Variants in KARS1 observed in about 807,000 individuals in gnomAD.
The protein encoded by KARS1 is lysine--tRNA ligase.
Under a neutral mutation model 63.9 loss-of-function variants are expected in KARS1, and 50 were observed. The ratio of observed to expected loss-of-function variants is 0.78; its 90% CI spans 0.62 to 0.99. The LOEUF (loss-of-function observed/expected upper bound fraction) is 0.99, where lower values mean the gene tolerates loss of function less well. Ranked by LOEUF, KARS1 falls within the 50% of genes least tolerant of loss-of-function variation. The pLI is 0.00. For synonymous variants in KARS1, 320 were observed against 264.6 expected (o/e 1.21, Z -2.03); for missense variants, 816 against 754.5 (o/e 1.08, Z -0.95).
In KARS1 at chr16:75,635,990, G is replaced by A; in HGVS notation, c.591C>T (p.Ser197=). Residue 197 remains serine (S), a synonymous_variant, in exon 5 of 14, where the codon AGC becomes AGT. Coordinates refer to ENST00000302445, the MANE Select transcript of KARS1 (RefSeq NM_005548.3). ...NPGKTKKGEL[S]IIPYEITLLS... is the part of the protein sequence containing the mutation. Reference sequence around the variant, plus strand: ...GCAGTGTGATCTCATACGGAATGATGCTCAGCTCACCCTTCTTGGTTTTAC... The same window carrying A: ...GCAGTGTGATCTCATACGGAATGATACTCAGCTCACCCTTCTTGGTTTTAC... 2 of 1,613,990 alleles carry A rather than the reference G, an allele frequency of 1.2e-6. No individual in the cohort carries two copies. Among genetic ancestry groups the A allele is most frequent in the African/African-American group, 1.3e-5 (1 of 75,026 alleles).
chr16:75,642,505 G>T (rs2082237116), intron 1 of KARS1, among the ~76,000 whole-genome samples: 1 of 151,936 alleles, frequency 6.6e-6, no homozygotes, highest in African/African-American at 2.4e-5. Flanking sequence ...CCCCTCCAAT[G>T]CCAGATCTAA....
intron 1 of KARS1, chr16:75,644,267 G>A (rs775623180): frequency 5.0e-6 from 8 of 1,586,324 alleles, no homozygotes; most frequent in South Asian, 4.6e-5. Context: ...CAATAAAGAA[G>A]GTAATGGGCA....
rs2082098278 is a variant in KARS1, at chr16:75,630,371, A to G, written c.1424+52T>C. The G allele has an allele frequency of 7.1e-6, 8 of 1,124,154 alleles. No individual in the cohort carries two copies. In the South Asian group the frequency reaches 1.0e-4, roughly 14 times the overall value. 69.6% of individuals were successfully genotyped at this position (1,124,154 alleles called of 1,614,324 possible). On this transcript the variant is annotated intron_variant, in intron 11 of 13. Transcript: ENST00000302445. ...ACAAAATCTTGACAATAAATTGTTA[A>G]CACCACTAAGTTTTGGGGCTGTTAT...
In KARS1 at chr16:75,635,758, A is replaced by G; in HGVS notation, c.717T>C (p.Phe239=). 1 of 1,614,210 alleles carries G rather than the reference A, an allele frequency of 6.2e-7. No individual in the cohort carries two copies. The highest frequency in any genetic ancestry group is 8.5e-7 in the Non-Finnish European group (1 of 1,180,006). The change falls in exon 6 of 14, where the codon TTT becomes TTC. Residue 239 remains phenylalanine, a synonymous_variant. Coordinates refer to ENST00000302445, the MANE Select transcript of KARS1 (RefSeq NM_005548.3). ...AGCGGATGATAAATTTCTGCCTCAC[A>G]AAGTCATTCAGGATCAAGTCCAAGT... ...QRYLDLILND[F]VRQKFIIRSK...
intron 13 of KARS1, among the ~76,000 whole-genome samples, chr16:75,628,323 G>A (rs780624716): frequency 3.3e-5 from 5 of 152,168 alleles, no homozygotes; most frequent in Non-Finnish European, 7.3e-5. Context: ...AATAATGCAC[G>A]GAGACTTCCC....
intron 1 of KARS1, chr16:75,647,349 G>C (rs1436763363): frequency 3.2e-6 from 2 of 629,346 alleles, no homozygotes; most frequent in East Asian, 2.7e-5. Context: ...AACTCTAGGA[G>C]TATGATAGGG....
chr16:75,633,122 A>C (rs144968006), intron 7 of KARS1, among the ~76,000 whole-genome samples: 1 of 152,278 alleles, frequency 6.6e-6, no homozygotes, highest in East Asian at 1.9e-4. Flanking sequence ...TACGATGTTA[A>C]TTATCCACAA....
At chr16:75,636,352 C>T in intron 4 of KARS1, 102 bp downstream of exon 4, 1 of 883,652 alleles carries the variant, frequency 1.1e-6, no homozygotes. Context: ...ATGTCCCACT[C>T]CTTCTTACTC....
chr16:75,638,940 G>A (rs1489462839), intron 3 of KARS1, among the ~76,000 whole-genome samples: 1 of 152,164 alleles, frequency 6.6e-6, no homozygotes, highest in Non-Finnish European at 1.5e-5. Context: ...GGCCGTGGCA[G>A]GTGGATCACC....
intron 6 of KARS1, 141 bp from the exon 7 acceptor site, chr16:75,634,433 G>GAAAAAA: frequency 1.3e-6 from 1 of 780,304 alleles, no homozygotes; most frequent in South Asian, 1.5e-5. Flanking sequence ...GCAAGTGCTT[G>GAAAAAA]ACAAAAAAGG....
intron 6 of KARS1, chr16:75,635,463 T>A (rs1252445558): frequency 3.2e-5 from 18 of 567,558 alleles, no homozygotes; most frequent in Admixed American, 1.2e-4. Flanking sequence ...ATCATTAGCA[T>A]GTGGATGGCC....
In KARS1 at chr16:75,640,215, A is replaced by G. The variant is rs769008526; in HGVS notation, c.357T>C (p.Asp119=). 5.0e-6 allele frequency: 8 copies of G among 1,614,150 alleles called. No homozygotes were observed. The highest frequency in any genetic ancestry group is 5.9e-6 in the Non-Finnish European group (7 of 1,180,006). The change falls in exon 3 of 14, where the codon GAT becomes GAC. Residue 119 remains aspartate (D), a synonymous_variant. Transcript: ENST00000302445. ...IQKYSHLQPG[D]HLTDITLKVA... ...CCTTTAAGGTGATGTCAGTCAGGTG[A>G]TCCCCAGGCTGCAGGTGACTATATT... is the stretch of plus-strand genomic sequence containing the variant.
intron 2 of KARS1, among the ~76,000 whole-genome samples, chr16:75,640,671 G>A (rs575678654): frequency 1.6e-4 from 24 of 152,282 alleles, no homozygotes; most frequent in Non-Finnish European, 2.6e-4. Context: ...ATGGTGAGTC[G>A]AGTCACTTAC....
At position 75,627,818 on chromosome 16, in the gene KARS1, A is replaced by C; in HGVS notation, c.*77T>G. 2 of 847,966 alleles carry C rather than the reference A, an allele frequency of 2.4e-6. No individual in the cohort carries two copies. The highest frequency in any genetic ancestry group is 3.4e-5 in the Admixed American group (2 of 59,048). The allele number at this position is 847,966 out of a possible 1,614,324, so 52.5% of individuals were successfully genotyped here. A position where few individuals can be genotyped will look rare whatever the true frequency, so the allele number is the denominator to read the frequency against. Reference sequence around the variant, plus strand: ...CGGTGTCAAATGGAAAGCAGCACACAAGAATTCCCTTGCAGACCTTGATCT... The same window carrying C: ...CGGTGTCAAATGGAAAGCAGCACACCAGAATTCCCTTGCAGACCTTGATCT... On this transcript the variant is annotated 3_prime_UTR_variant, in exon 14 of 14. Transcript: ENST00000302445.
chr16:75,647,629 A>C lies in KARS1; in HGVS notation c.11T>G (p.Val4Gly). ...ATCCACTTTCACCTCGGCCGCCTGC[A>C]CGGCCGCCATCTTCCCGGAGGGCCC... MAA[V>G]QAAEVKVDGS... Residue 4 changes from valine to glycine, a missense_variant, in exon 1 of 14, where the codon GTG becomes GGG. Transcript: ENST00000302445. The C allele has an allele frequency of 2.5e-6, 4 of 1,613,728 alleles. No homozygotes were observed. The highest frequency in any genetic ancestry group is 2.2e-5 in the South Asian group (2 of 91,070).
chr16:75,635,289 G>T, intron 6 of KARS1: 1 of 312,496 alleles, frequency 3.2e-6, no homozygotes, highest in Non-Finnish European at 6.2e-6. Context: ...TTTGGGTAGG[G>T]AAGTTAGTCA....
intron 3 of KARS1, chr16:75,639,934 T>A: frequency 1.9e-6 from 1 of 526,678 alleles, no homozygotes. Flanking sequence ...TACCGCTGAT[T>A]CTTGCTGATG....
chr16:75,641,182 A>T (rs1259753932), intron 2 of KARS1, among the ~76,000 whole-genome samples: 4 of 149,030 alleles, frequency 2.7e-5, no homozygotes, highest in Admixed American at 2.0e-4. Flanking sequence ...AAAAACAAAA[A>T]CAAAAAACCA....
At chr16:75,629,005 G>A in intron 12 of KARS1, 1 of 495,670 alleles carries the variant, frequency 2.0e-6, no homozygotes, top group Non-Finnish European at 3.7e-6. Context: ...CTCAGAGACT[G>A]TGACAATTAC....
Sources: allele counts gnomAD v4.1 joint callset (sites outside exome capture counted in the v4.1 genomes callset), GRCh38; gene constraint gnomAD v4.1.1; transcripts MANE v1.5; gene names NCBI Gene and HGNC (gene_info 2026-07-23, HGNC 2026-07-21).